The following PITPNA variants were observed in gnomAD, a reference collection of about 807,000 sequenced individuals.
The protein encoded by PITPNA is phosphatidylinositol transfer protein alpha isoform.
A neutral mutation model predicts 50.3 loss-of-function variants in PITPNA; 13 were observed. The observed-to-expected ratio is 0.26, with a 90% CI of 0.17 to 0.41. PITPNA has a LOEUF of 0.41. Ranked by LOEUF, PITPNA falls within the 10% of genes least tolerant of loss-of-function variation. The pLI is 1.00. For synonymous variants in PITPNA, 120 were observed against 119.6 expected (o/e 1.00, Z -0.02); for missense variants, 207 against 333.4 (o/e 0.62, Z 2.95).
chr17:1,526,040 C>T (rs964810923), intron 10 of PITPNA, among the ~76,000 whole-genome samples: 4 of 152,148 alleles, frequency 2.6e-5, no homozygotes, highest in African/African-American at 4.8e-5. Flanking sequence ...ATGGAAGCAG[C>T]GCTCCTTGAA....
chr17:1,534,609 G>C (rs1407602653), intron 9 of PITPNA, among the ~76,000 whole-genome samples: 1 of 152,196 alleles, frequency 6.6e-6, no homozygotes, highest in Admixed American at 6.5e-5. Context: ...TATGGCCCAA[G>C]TGAGGCTCAA....
chr17:1,551,762 T>A (rs1248540727), intron 3 of PITPNA, among the ~76,000 whole-genome samples: 3 of 152,176 alleles, frequency 2.0e-5, no homozygotes, highest in Non-Finnish European at 4.4e-5. Flanking sequence ...AAACGAGACA[T>A]GGAGAAAAAG....
At chr17:1,549,624 G>C (rs1404055777) in intron 3 of PITPNA, among the ~76,000 whole-genome samples, 1 of 144,302 alleles carries the variant, frequency 6.9e-6, no homozygotes, top group Admixed American at 7.3e-5. Context: ...GGCCTAGAAA[G>C]ATTTTTTAAA....
intron 5 of PITPNA, among the ~76,000 whole-genome samples, chr17:1,542,390 TAA>T: frequency 6.6e-6 from 1 of 152,188 alleles, no homozygotes; most frequent in East Asian, 1.9e-4. Flanking sequence ...GCTAAGGCCT[TAA>T]GTTTTCTTCT....
chr17:1,561,356 C>G (rs1023626985), intron 1 of PITPNA: 5 of 152,266 alleles, frequency 3.3e-5, no homozygotes, highest in African/African-American at 1.2e-4. Flanking sequence ...CCCCTCTTCA[C>G]TACTCAAGAG....
chr17:1,550,815 G>C (rs1185990699), intron 3 of PITPNA, among the ~76,000 whole-genome samples: 1 of 152,250 alleles, frequency 6.6e-6, no homozygotes, highest in Non-Finnish European at 1.5e-5. Context: ...GCCGTCAGCA[G>C]TTTTGGCGCT....
intron 10 of PITPNA, among the ~76,000 whole-genome samples, chr17:1,532,977 A>G (rs1332097059): frequency 4.6e-5 from 7 of 152,332 alleles, no homozygotes; most frequent in South Asian, 2.1e-4. Context: ...TCTGGACCCA[A>G]TTTTCGCCCT....
intron 7 of PITPNA, chr17:1,538,517 G>A (rs1598407967): frequency 5.4e-6 from 1 of 184,408 alleles, no homozygotes; most frequent in East Asian, 1.6e-4. Context: ...TAGGCAGGAA[G>A]TAAATGTTTT....
At position 1,553,117 on chromosome 17, in the gene PITPNA, C is replaced by T; in HGVS notation, c.84G>A (p.Glu28=). The T allele has an allele frequency of 2.5e-6, 4 of 1,613,960 alleles. No individual in the cohort carries two copies. Among genetic ancestry groups the T allele is most frequent in the Non-Finnish European group, 3.4e-6 (4 of 1,179,894 alleles). Residue 28 remains glutamate, a synonymous_variant, in exon 3 of 12, where the codon GAG becomes GAA. Coordinates refer to ENST00000313486, the MANE Select transcript of PITPNA (RefSeq NM_006224.4). ...YQVGQLYSVA[E]ASKNETGGGE... ...CACCACCCGTTTCATTTTTACTGGCCTCAGCCACAGAATACAGCTGCCCCA... is the reference window on the plus strand; with the variant it reads ...CACCACCCGTTTCATTTTTACTGGCTTCAGCCACAGAATACAGCTGCCCCA...
Position 1,517,857 on chromosome 17 carries a change from C to A in PITPNA, c.*2704G>T, listed in dbSNP as rs754349862. 2.0e-4 allele frequency: 31 copies of A among 152,518 alleles called. No homozygotes were observed. Among genetic ancestry groups the A allele is most frequent in the Non-Finnish European group, 8.8e-5 (6 of 68,010 alleles). The allele number at this position is 152,518 out of a possible 1,614,324, so 9.4% of individuals were successfully genotyped here. ...CACGGGACTATTATATGCAGAAATC[C>A]ACGTGCAAAAATTTTCAGACACACC... On this transcript the variant is annotated 3_prime_UTR_variant, in exon 12 of 12. Transcript: ENST00000313486.
chr17:1,518,373 C>CT lies in PITPNA; in HGVS notation c.*2187dup, dbSNP rs1412963316. 6.6e-6 allele frequency: 1 copy of CT among 152,640 alleles called. No individual in the cohort carries two copies. The highest frequency in any genetic ancestry group is 1.5e-5 in the Non-Finnish European group (1 of 68,052). 9.5% of individuals were successfully genotyped at this position (152,640 alleles called of 1,614,324 possible). ...TCAGGTACTACCCCTGGAGCTGAAC[C>CT]TTTATCATAAGTCCCTCTGAGTGCT... On this transcript the variant is annotated 3_prime_UTR_variant, in exon 12 of 12. Transcript: ENST00000313486.
At chr17:1,540,289 A>G (rs1041319857) in intron 6 of PITPNA, among the ~76,000 whole-genome samples, 3 of 152,218 alleles carry the variant, frequency 2.0e-5, no homozygotes, top group Admixed American at 6.5e-5. Flanking sequence ...TATGACACAA[A>G]TTCAAAATTA....
Position 1,548,405 on chromosome 17 carries a change from A to G in PITPNA, c.198-18T>C, listed in dbSNP as rs756925843. On this transcript the variant is annotated intron_variant, in intron 3 of 11. Coordinates refer to ENST00000313486, the MANE Select transcript of PITPNA (RefSeq NM_006224.4). Reference sequence around the variant, plus strand: ...GTACTTTGCTATAGCGGGGAAAAAAAGGGGTATAAAGAGAAATGGTAGAGA... The same window carrying G: ...GTACTTTGCTATAGCGGGGAAAAAAGGGGGTATAAAGAGAAATGGTAGAGA... 9 of 1,528,318 alleles carry G rather than the reference A, an allele frequency of 5.9e-6. No individual in the cohort carries two copies. The Admixed American group carries it at 1.1e-4, about 19-fold the overall frequency. 94.7% of individuals were successfully genotyped at this position (1,528,318 alleles called of 1,614,324 possible). A position where few individuals can be genotyped will look rare whatever the true frequency, so the allele number is the denominator to read the frequency against.
intron 3 of PITPNA, among the ~76,000 whole-genome samples, chr17:1,549,865 G>A (rs900745837): frequency 6.6e-6 from 1 of 151,756 alleles, no homozygotes; most frequent in Non-Finnish European, 1.5e-5. Context: ...GGTAGAGATG[G>A]GGTTTTGTCA....
intron 6 of PITPNA, among the ~76,000 whole-genome samples, chr17:1,541,008 C>A (rs2075645580): frequency 6.6e-6 from 1 of 152,178 alleles, no homozygotes; most frequent in Non-Finnish European, 1.5e-5. Context: ...AAATGATCCT[C>A]CAGCCTCGGC....
At chr17:1,527,512 G>A (rs564916995) in intron 10 of PITPNA, among the ~76,000 whole-genome samples, 1 of 152,308 alleles carries the variant, frequency 6.6e-6, no homozygotes, top group Non-Finnish European at 1.5e-5. Flanking sequence ...AAAGTGCTGG[G>A]ATTACAGGTG....
chr17:1,562,606 G>A lies in PITPNA; in HGVS notation c.-46C>T. The A allele has an allele frequency of 4.1e-6, 5 of 1,213,004 alleles. No homozygotes were observed. Among genetic ancestry groups the A allele is most frequent in the Non-Finnish European group, 5.1e-6 (5 of 972,412 alleles). The allele number at this position is 1,213,004 out of a possible 1,614,324, so 75.1% of individuals were successfully genotyped here. A position where few individuals can be genotyped will look rare whatever the true frequency, so the allele number is the denominator to read the frequency against. On this transcript the variant is annotated 5_prime_UTR_variant, in exon 1 of 12. Transcript: ENST00000313486. The surrounding 1 kb of genome is among the most constrained non-coding windows in gnomAD (Gnocchi z 6.4). ...CTGCCCGCGGCCCGCCCGGCCTCCC[G>A]CCCGCTGCCCGCCGGCCGCTCTCCC...
At position 1,562,520 on chromosome 17, in the gene PITPNA, G is replaced by A; in HGVS notation, c.20+21C>T. 6 of 1,350,226 alleles carry A rather than the reference G, an allele frequency of 4.4e-6. No individual in the cohort carries two copies. The South Asian group carries it at 5.9e-5, about 13-fold the overall frequency. The allele number at this position is 1,350,226 out of a possible 1,614,324, so 83.6% of individuals were successfully genotyped here. On this transcript the variant is annotated intron_variant, in intron 1 of 11. Coordinates refer to ENST00000313486, the MANE Select transcript of PITPNA (RefSeq NM_006224.4). The surrounding 1 kb of genome is among the most constrained non-coding windows in gnomAD (Gnocchi z 6.4). ...CCCACCCTCCCTCCTCCCCGCTTCC[G>A]CACGGCCGCCGGACACTCACTACTC... is the stretch of plus-strand genomic sequence containing the variant.
In PITPNA at chr17:1,541,794, G is replaced by A. The variant is rs1190130008; in HGVS notation, c.298-154C>T. On this transcript the variant is annotated intron_variant, in intron 5 of 11. Transcript: ENST00000313486. ...ACAGTTAACTTGACTGGGAGCCCAC[G>A]ACACACTAGGCATGTATTATCCCAT... 1.1e-5 allele frequency: 8 copies of A among 709,298 alleles called. No individual in the cohort carries two copies. In the East Asian group the frequency reaches 1.9e-4, roughly 17 times the overall value. The allele number at this position is 709,298 out of a possible 1,614,324, so 43.9% of individuals were successfully genotyped here. A position where few individuals can be genotyped will look rare whatever the true frequency, so the allele number is the denominator to read the frequency against.
Sources: gnomAD v4.1 joint callset for allele counts (sites outside exome capture counted in the v4.1 genomes callset) on GRCh38, gnomAD v4.1.1 for gene constraint, Gnocchi (gnomAD v3.1) non-coding constraint, MANE v1.5 for transcripts, NCBI Gene and HGNC (gene_info 2026-07-23, HGNC 2026-07-21) for gene names.